Variants in HIBADH observed in about 807,000 individuals in gnomAD.
HIBADH encodes the protein 3-hydroxyisobutyrate dehydrogenase.
Under a neutral mutation model 36.1 loss-of-function variants are expected in HIBADH, and 25 were observed. That is an observed-to-expected ratio of 0.69 (90% CI 0.50 to 0.97). The LOEUF is 0.97. Among genes scored for constraint, HIBADH ranks in the 50% least tolerant of loss-of-function variants. The pLI is 0.00. For missense variants in HIBADH, 421 were observed against 418.0 expected (o/e 1.01, Z -0.06); for synonymous variants, 160 against 149.5 (o/e 1.07, Z -0.51).
chr7:27,649,689 T>G (rs1223680043), intron 1 of HIBADH, 56 bp from the exon 2 acceptor site: 1 of 1,433,958 alleles, frequency 7.0e-7, no homozygotes, highest in African/African-American at 1.4e-5. Flanking sequence ...ATTGTAAACA[T>G]TCATTTAATA....
chr7:27,567,555 T>C (rs1263425802), intron 4 of HIBADH, among the ~76,000 whole-genome samples: 2 of 152,154 alleles, frequency 1.3e-5, no homozygotes, highest in Non-Finnish European at 2.9e-5. Flanking sequence ...AGTTCCTCTC[T>C]TTCTCCTTTC....
chr7:27,635,086 A>ATATGTG (rs112396501), intron 2 of HIBADH, among the ~76,000 whole-genome samples: 37 of 149,772 alleles, frequency 2.5e-4, no homozygotes, highest in East Asian at 5.9e-4. Flanking sequence ...CTCTCTGTGC[A>ATATGTG]TGTGTGTGTG....
At chr7:27,558,707 C>CAAAA (rs1190759549) in intron 4 of HIBADH, among the ~76,000 whole-genome samples, 2 of 152,054 alleles carry the variant, frequency 1.3e-5, no homozygotes, top group African/African-American at 4.8e-5. Context: ...AAACAAAAAA[C>CAAAA]AAAAACAAAA....
chr7:27,554,682 G>A (rs1390526436), intron 4 of HIBADH, among the ~76,000 whole-genome samples: 2 of 152,158 alleles, frequency 1.3e-5, no homozygotes, highest in African/African-American at 2.4e-5. Flanking sequence ...TGTCAGAGGA[G>A]AGAGGGAAGA....
At chr7:27,541,125 G>A (rs1209799736) in intron 5 of HIBADH, among the ~76,000 whole-genome samples, 1 of 142,396 alleles carries the variant, frequency 7.0e-6, no homozygotes, top group Non-Finnish European at 1.5e-5. Flanking sequence ...AATGTCCTTC[G>A]AGCATCCTTT....
At chr7:27,605,658 C>A (rs984385422) in intron 4 of HIBADH, among the ~76,000 whole-genome samples, 1 of 145,068 alleles carries the variant, frequency 6.9e-6, no homozygotes, top group African/African-American at 2.5e-5. Context: ...AAATAGCAAT[C>A]CCCTCCAAAT....
At chr7:27,566,574 C>CTTTGGTTTTATTTTACTATTTA (rs1784551963) in intron 4 of HIBADH, among the ~76,000 whole-genome samples, 1 of 151,706 alleles carries the variant, frequency 6.6e-6, no homozygotes, top group Non-Finnish European at 1.5e-5. Context: ...TTATTATTTC[C>CTTTGGTTTTATTTTACTATTTA]TTTATTCTAT....
At chr7:27,582,619 T>C (rs561511605) in intron 4 of HIBADH, among the ~76,000 whole-genome samples, 8 of 152,148 alleles carry the variant, frequency 5.3e-5, no homozygotes, top group South Asian at 4.1e-4. Context: ...ATTATTCTAA[T>C]TGAATGCTGT....
chr7:27,588,965 T>A (rs6462034), intron 4 of HIBADH, among the ~76,000 whole-genome samples: 115,268 of 152,102 alleles, frequency 0.76, 44,109 homozygotes, highest in East Asian at 0.94. Flanking sequence ...ACAGTTTTTT[T>A]AAATTATACT....
intron 1 of HIBADH, among the ~76,000 whole-genome samples, chr7:27,656,296 T>C (rs1398029638): frequency 2.0e-5 from 3 of 152,222 alleles, no homozygotes; most frequent in Non-Finnish European, 4.4e-5. Context: ...ATATAGTTTA[T>C]TACAGCACTA....
At chr7:27,531,141 T>C (rs768237951) in intron 7 of HIBADH, 51 bp downstream of exon 7, 1 of 1,518,308 alleles carries the variant, frequency 6.6e-7, no homozygotes, top group African/African-American at 1.4e-5. Context: ...AAGGTGTTAT[T>C]GGACCGTGAA....
At chr7:27,549,666 A>T (rs373525752) in intron 4 of HIBADH, among the ~76,000 whole-genome samples, 90 of 152,290 alleles carry the variant, frequency 5.9e-4, no homozygotes, top group African/African-American at 2.0e-3. Context: ...CTTTTTTCCC[A>T]AGATAAACTG....
chr7:27,652,966 T>C (rs143859709), intron 1 of HIBADH, among the ~76,000 whole-genome samples: 298 of 152,070 alleles, frequency 2.0e-3, no homozygotes, highest in Non-Finnish European at 3.3e-3. Context: ...CAGTCTTTAC[T>C]AAAAATACAA....
chr7:27,601,976 T>C (rs936313620), intron 4 of HIBADH, among the ~76,000 whole-genome samples: 15 of 152,078 alleles, frequency 9.9e-5, no homozygotes, highest in Admixed American at 6.6e-5. Context: ...TTTCTCTATT[T>C]TGTTTTTAAA....
intron 4 of HIBADH, among the ~76,000 whole-genome samples, chr7:27,556,459 GTTT>G (rs1363260909): frequency 2.0e-5 from 3 of 151,954 alleles, no homozygotes; most frequent in Non-Finnish European, 2.9e-5. Flanking sequence ...TTTTTTAATG[GTTT>G]TTTATTATTT....
intron 6 of HIBADH, 70 bp from the exon 7 acceptor site, chr7:27,531,418 T>C (rs1783999238): frequency 2.2e-6 from 3 of 1,349,432 alleles, no homozygotes; most frequent in Admixed American, 2.2e-5. Flanking sequence ...TATTTATGTA[T>C]GGGGATGCTC....
At chr7:27,641,209 CA>C (rs11317913) in intron 2 of HIBADH, among the ~76,000 whole-genome samples, 120,696 of 152,044 alleles carry the variant, frequency 0.79, 48,299 homozygotes, top group East Asian at 0.97. Flanking sequence ...TTTTTGCTTT[CA>C]AAAAAAACAA....
intron 2 of HIBADH, among the ~76,000 whole-genome samples, chr7:27,637,220 T>A (rs1001903960): frequency 6.6e-6 from 1 of 152,138 alleles, no homozygotes; most frequent in Non-Finnish European, 1.5e-5. Flanking sequence ...AATAAGAAAT[T>A]TAAGCAGAGA....
Position 27,581,927 on chromosome 7 carries a change from A to G in HIBADH, c.485-38827T>C, listed in dbSNP as rs75841733. 7.2e-5 allele frequency among the ~76,000 whole-genome samples: 11 copies of G among 152,152 alleles called. No individual in the cohort carries two copies. The East Asian group carries it at 2.1e-3, about 29-fold the overall frequency. On this transcript the variant is annotated intron_variant, in intron 4 of 7. Transcript: ENST00000265395. The stretch of plus-strand genomic sequence containing the variant: ...AGATCCTCTAGAAAAAAAATATAGT[A>G]CTTGATTTTAGTCCCCAACTTCATT...
Sources: allele counts gnomAD v4.1 joint callset (sites outside exome capture counted in the v4.1 genomes callset), GRCh38; gene constraint gnomAD v4.1.1; transcripts MANE v1.5; gene names NCBI Gene and HGNC (gene_info 2026-07-23, HGNC 2026-07-21).